The following TYW1B variants were observed in gnomAD, a reference collection of about 807,000 sequenced individuals.
TYW1B encodes the protein tRNA-yW synthesizing protein 1 homolog B.
TYW1B carries 73 observed loss-of-function variants against 86.9 expected under a neutral mutation model. The ratio of observed to expected loss-of-function variants is 0.84; its 90% CI spans 0.70 to 1.02. TYW1B has a LOEUF of 1.02. Among genes scored for constraint, TYW1B ranks in the 50% least tolerant of loss-of-function variants. The pLI is 0.00. For missense variants in TYW1B, 637 were observed against 827.4 expected (o/e 0.77, Z 2.82); for synonymous variants, 248 against 292.8 (o/e 0.85, Z 1.56).
At chr7:72,747,479 A>AG (rs1283342893) in intron 7 of TYW1B, among the ~76,000 whole-genome samples, 8 of 152,204 alleles carry the variant, frequency 5.3e-5, no homozygotes. Flanking sequence ...TGTAAAAAAA[A>AG]CAGTTAAACA....
intron 12 of TYW1B, among the ~76,000 whole-genome samples, chr7:72,618,931 A>G (rs1812146815): frequency 6.6e-6 from 1 of 152,200 alleles, no homozygotes; most frequent in African/African-American, 2.4e-5. Context: ...TGGAACCAAC[A>G]TGGCCAATGG....
At chr7:72,738,536 G>A (rs1221593815) in intron 8 of TYW1B, among the ~76,000 whole-genome samples, 1 of 152,088 alleles carries the variant, frequency 6.6e-6, no homozygotes, top group African/African-American at 2.4e-5. Flanking sequence ...CTATGCATTA[G>A]GGAATGCTTA....
intron 13 of TYW1B, among the ~76,000 whole-genome samples, chr7:72,601,979 T>G (rs1393827346): frequency 6.6e-6 from 1 of 152,180 alleles, no homozygotes; most frequent in Non-Finnish European, 1.5e-5. Flanking sequence ...GATAAATGTA[T>G]GACATTATGC....
chr7:72,777,830 C>A (rs1448737549), intron 6 of TYW1B, among the ~76,000 whole-genome samples: 1 of 152,106 alleles, frequency 6.6e-6, no homozygotes, highest in East Asian at 1.9e-4. Flanking sequence ...GCAGGAGAAT[C>A]GCTTGAACCC....
intron 13 of TYW1B, among the ~76,000 whole-genome samples, chr7:72,607,088 A>G (rs1554434996): frequency 1.3e-5 from 2 of 152,208 alleles, no homozygotes; most frequent in South Asian, 4.1e-4. Flanking sequence ...TCAATGGGCT[A>G]TTAAAAACGG....
chr7:72,802,400 C>T lies in TYW1B; in HGVS notation c.846G>A (p.Lys282=). 1 of 1,613,752 alleles carries T rather than the reference C, an allele frequency of 6.2e-7. No homozygotes were observed. Among genetic ancestry groups the T allele is most frequent in the Non-Finnish European group, 8.5e-7 (1 of 1,179,796 alleles). Residue 282 remains lysine (K), a splice_region_variant and synonymous_variant, in exon 6 of 14, where the codon AAG becomes AAA. Transcript: ENST00000620995. The part of the protein sequence containing the change: ...GKIMDHVKKE[K]REKEQQEEKS... ...GCAACATTTCCCAAAGTAATGGTAC[C>T]TTTTCTTTCTTCACGTGATCCATAA...
At chr7:72,729,820 G>A (rs1554459478) in intron 8 of TYW1B, among the ~76,000 whole-genome samples, 2 of 152,036 alleles carry the variant, frequency 1.3e-5, no homozygotes, top group Non-Finnish European at 2.9e-5. Context: ...CCCATAAGCA[G>A]CAGAGCTACC....
intron 11 of TYW1B, among the ~76,000 whole-genome samples, chr7:72,678,909 A>G (rs1813804102): frequency 6.6e-6 from 1 of 151,906 alleles, no homozygotes; most frequent in African/African-American, 2.4e-5. Context: ...CAAGCTGGGC[A>G]ACATAGTGAG....
chr7:72,788,694 G>A (rs1160502355), intron 6 of TYW1B, among the ~76,000 whole-genome samples: 6 of 151,918 alleles, frequency 3.9e-5, no homozygotes, highest in East Asian at 1.9e-4. Flanking sequence ...CACCATACCC[G>A]GCTAATTTTT....
chr7:72,604,956 CT>C (rs2129568139), intron 13 of TYW1B, among the ~76,000 whole-genome samples: 1 of 152,306 alleles, frequency 6.6e-6, no homozygotes, highest in South Asian at 2.1e-4. Flanking sequence ...TAATTGTGGT[CT>C]TTGCCATTGA....
chr7:72,659,720 C>G (rs1554444213), intron 11 of TYW1B, among the ~76,000 whole-genome samples: 2 of 152,032 alleles, frequency 1.3e-5, no homozygotes, highest in African/African-American at 4.8e-5. Context: ...GCAAGATTGT[C>G]AAAAGACGAG....
At chr7:72,751,509 AT>A (rs148672346) in intron 7 of TYW1B, among the ~76,000 whole-genome samples, 1,895 of 152,252 alleles carry the variant, frequency 0.012, 38 homozygotes, top group African/African-American at 0.043. Flanking sequence ...TGTTTCTTTT[AT>A]AACTTGTCTT....
rs1554439342 is a variant in TYW1B, at chr7:72,628,909, T to A, written c.1595A>T (p.Asn532Ile). The change falls in exon 12 of 14, where the codon AAT becomes ATT. Residue 532 changes from asparagine to isoleucine, a missense_variant. Physicochemically the swap from Asn to Ile is moderately radical, Grantham distance 149. Transcript: ENST00000620995. ...TACCTTCACTTCGATGAAGTCAGGA[T>A]TCCCCAGGGACACGAGCTGCGCGTA... The part of the protein sequence containing the change: ...QAYAQLVSLG[N>I]PDFIEVKGVT... The A allele has an allele frequency of 4.4e-6, 7 of 1,591,140 alleles. No homozygotes were observed. The highest frequency in any genetic ancestry group is 4.1e-5 in the African/African-American group (3 of 73,752).
intron 13 of TYW1B, among the ~76,000 whole-genome samples, chr7:72,594,701 G>A (rs1811485667): frequency 1.3e-5 from 2 of 152,034 alleles, no homozygotes; most frequent in Non-Finnish European, 2.9e-5. Flanking sequence ...AGATCGTACT[G>A]GAAGAAAACT....
At chr7:72,744,263 C>T (rs1554463020) in intron 8 of TYW1B, among the ~76,000 whole-genome samples, 1 of 152,064 alleles carries the variant, frequency 6.6e-6, no homozygotes, top group African/African-American at 2.4e-5. Flanking sequence ...AAAAGACAAA[C>T]TGTCCAAATG....
intron 6 of TYW1B, among the ~76,000 whole-genome samples, chr7:72,797,249 C>G (rs1788320220): frequency 1.3e-5 from 2 of 152,166 alleles, no homozygotes; most frequent in Middle Eastern, 3.2e-3. Context: ...GCCAGCCTGA[C>G]CTTTGAGGAA....
intron 13 of TYW1B, among the ~76,000 whole-genome samples, chr7:72,595,227 T>C (rs1416266469): frequency 2.0e-5 from 3 of 152,198 alleles, no homozygotes; most frequent in African/African-American, 2.4e-5. Context: ...TATGATGTTA[T>C]ATGTAGAAAA....
At chr7:72,746,346 G>A (rs1421702886) in intron 7 of TYW1B, among the ~76,000 whole-genome samples, 1 of 151,856 alleles carries the variant, frequency 6.6e-6, no homozygotes, top group Non-Finnish European at 1.5e-5. Context: ...AAATGTACAA[G>A]GCAGCAAACA....
At chr7:72,780,207 C>T (rs1485451589) in intron 6 of TYW1B, among the ~76,000 whole-genome samples, 8 of 152,192 alleles carry the variant, frequency 5.3e-5, no homozygotes, top group African/African-American at 1.4e-4. Context: ...TGGGCTCAAG[C>T]GATCCTCCCG....
Sources: gnomAD v4.1 joint callset for allele counts (sites outside exome capture counted in the v4.1 genomes callset) on GRCh38, gnomAD v4.1.1 for gene constraint, MANE v1.5 for transcripts, NCBI Gene and HGNC (gene_info 2026-07-23, HGNC 2026-07-21) for gene names.